The following MYBL2 variants were observed in gnomAD, a reference collection of about 807,000 sequenced individuals.
The protein encoded by MYBL2 is MYB proto-oncogene like 2, also known as myb-related protein B.
In MYBL2, 28 loss-of-function variants were observed where a neutral mutation model predicts 79.9. The observed-to-expected ratio is 0.35, with a 90% CI of 0.26 to 0.48. MYBL2 has a LOEUF of 0.48. MYBL2 is among the 20% of genes least tolerant of loss of function. The pLI is 0.99. For missense variants in MYBL2, 735 were observed against 893.9 expected (o/e 0.82, Z 2.27); for synonymous variants, 378 against 361.2 (o/e 1.05, Z -0.53).
intron 7 of MYBL2, among the ~76,000 whole-genome samples, chr20:43,700,458 GGT>G (rs1411411900): frequency 3.9e-5 from 6 of 152,278 alleles, no homozygotes; most frequent in Admixed American, 3.3e-4. Context: ...GTCTTGGAGT[GGT>G]GAGTGGGTTC....
rs138968603 is a variant in MYBL2, at chr20:43,699,784, G to T, written c.691G>T (p.Val231Phe). 1,222 of 1,614,048 alleles carry T rather than the reference G, an allele frequency of 7.6e-4. 10 individuals carry two copies. In the African/African-American group the frequency reaches 0.014, roughly 18 times the overall value. Residue 231 changes from valine (V) to phenylalanine (F), a missense_variant, in exon 7 of 14, where the codon GTC becomes TTC. By Grantham distance (50) the Val-to-Phe change is conservative. Around this residue, in one of 5 missense-constraint regions of MYBL2, gnomAD observed 144 missense variants for 131.9 expected, o/e 1.09. Transcript: ENST00000217026. ...AAGTCTTCTGACCAACTGGCCCTCC[G>T]TCCCTCCTACCATAAAGGAGGAGGA... ...QGSLLTNWPS[V>F]PPTIKEEENS...
At chr20:43,699,447 A>G (rs1363124871) in intron 6 of MYBL2, among the ~76,000 whole-genome samples, 2 of 152,216 alleles carry the variant, frequency 1.3e-5, no homozygotes, top group Non-Finnish European at 2.9e-5. Flanking sequence ...ATAAAGTTAT[A>G]TTCAATCCAG....
intron 2 of MYBL2, among the ~76,000 whole-genome samples, chr20:43,677,378 A>T (rs1449052347): frequency 6.6e-6 from 1 of 152,216 alleles, no homozygotes; most frequent in Admixed American, 6.5e-5. Flanking sequence ...AAGTACCTTT[A>T]GAAGGAGAGA....
chr20:43,676,916 T>C (rs1350958221), intron 2 of MYBL2, among the ~76,000 whole-genome samples: 1 of 152,078 alleles, frequency 6.6e-6, no homozygotes, highest in Non-Finnish European at 1.5e-5. Context: ...ATTGCTTTTG[T>C]TTTTTGTTTT....
intron 11 of MYBL2, 75 bp downstream of exon 11, chr20:43,711,676 G>C (rs1391250955): frequency 2.9e-6 from 4 of 1,380,790 alleles, no homozygotes; most frequent in Admixed American, 2.1e-5. Context: ...TCTGGGGACA[G>C]GTTGTAGAAA....
intron 7 of MYBL2, among the ~76,000 whole-genome samples, chr20:43,702,272 G>A (rs907739906): frequency 6.6e-5 from 10 of 152,168 alleles, no homozygotes; most frequent in Non-Finnish European, 1.2e-4. Flanking sequence ...GTACTCCAGC[G>A]TAGGCAACAG....
At chr20:43,670,249 C>T (rs1400034333) in intron 1 of MYBL2, among the ~76,000 whole-genome samples, 2 of 152,214 alleles carry the variant, frequency 1.3e-5, no homozygotes, top group Non-Finnish European at 2.9e-5. Flanking sequence ...AAGATGGTTT[C>T]TGTCACGAGC....
intron 7 of MYBL2, among the ~76,000 whole-genome samples, chr20:43,701,223 G>A (rs1987668498): frequency 6.6e-6 from 1 of 152,242 alleles, no homozygotes; most frequent in Admixed American, 6.5e-5. Flanking sequence ...TACTGCGTGT[G>A]TGGAAATCCC....
In MYBL2 at chr20:43,692,254, G is replaced by T; in HGVS notation, c.598G>T (p.Val200Leu). The T allele has an allele frequency of 6.2e-7, 1 of 1,614,230 alleles. No individual in the cohort carries two copies. The highest frequency in any genetic ancestry group is 8.5e-7 in the Non-Finnish European group (1 of 1,180,044). Residue 200 changes from valine (V) to leucine (L), a missense_variant, in exon 6 of 14, where the codon GTG becomes TTG. Coordinates refer to ENST00000217026, the MANE Select transcript of MYBL2 (RefSeq NM_002466.4). The stretch of plus-strand genomic sequence containing the variant: ...CGAGTCCAAAGACTGCAAGCCCCCA[G>T]TGTACTTGCTGCTGGAGCTCGAGGA... ...LSESKDCKPP[V>L]YLLLELEDKD...
chr20:43,697,304 A>C (rs990104933), intron 6 of MYBL2, among the ~76,000 whole-genome samples: 1 of 152,166 alleles, frequency 6.6e-6, no homozygotes, highest in Non-Finnish European at 1.5e-5. Context: ...TTAAAATATA[A>C]TTGACAAATA....
chr20:43,715,949 C>G lies in MYBL2; in HGVS notation c.1975-10C>G. 6.2e-7 allele frequency: 1 copy of G among 1,607,110 alleles called. No homozygotes were observed. Among genetic ancestry groups the G allele is most frequent in the Non-Finnish European group, 8.5e-7 (1 of 1,177,892 alleles). ...CCTGCCTGGATGGTAACCCTCTTGC[C>G]TCCTCCCAGATGTCCAGTGCCTGGA... On this transcript the variant is annotated splice_polypyrimidine_tract_variant and intron_variant, in intron 13 of 13. Transcript: ENST00000217026.
chr20:43,688,269 C>T (rs1314220826), intron 5 of MYBL2, among the ~76,000 whole-genome samples: 3 of 150,456 alleles, frequency 2.0e-5, no homozygotes, highest in Admixed American at 6.6e-5. Context: ...TGGCGTGATC[C>T]GGGCTCACTG....
At chr20:43,691,537 A>G (rs1318742184) in intron 5 of MYBL2, among the ~76,000 whole-genome samples, 1 of 99,550 alleles carries the variant, frequency 1.0e-5, no homozygotes, top group African/African-American at 3.5e-5. Context: ...CTGGTCTTAT[A>G]TATACATTTT....
chr20:43,710,068 T>A lies in MYBL2; in HGVS notation c.1605+6T>A, dbSNP rs773590970. The A allele has an allele frequency of 6.3e-7, 1 of 1,595,852 alleles. No individual in the cohort carries two copies. Reference sequence around the variant, plus strand: ...ACGGACCCCTGAAGCCCCTGGTACGTGGTGTGGTCGCTGCCGTGGATCTCT... The same window carrying A: ...ACGGACCCCTGAAGCCCCTGGTACGAGGTGTGGTCGCTGCCGTGGATCTCT... On this transcript the variant is annotated splice_donor_region_variant and intron_variant, in intron 10 of 13. Transcript: ENST00000217026.
intron 6 of MYBL2, among the ~76,000 whole-genome samples, chr20:43,696,576 G>A (rs1299315186): frequency 1.3e-5 from 2 of 152,292 alleles, no homozygotes; most frequent in African/African-American, 4.8e-5. Context: ...TTAACATATC[G>A]TTCCATGTTG....
chr20:43,713,403 T>TG (rs1309054657), intron 12 of MYBL2, among the ~76,000 whole-genome samples: 1 of 151,686 alleles, frequency 6.6e-6, no homozygotes, highest in African/African-American at 2.4e-5. Flanking sequence ...TTTTTTTTTT[T>TG]TGAATTGGAA....
At chr20:43,686,497 C>T (rs1280848534) in intron 4 of MYBL2, among the ~76,000 whole-genome samples, 1 of 152,188 alleles carries the variant, frequency 6.6e-6, no homozygotes, top group African/African-American at 2.4e-5. Flanking sequence ...TCCTCCTCAT[C>T]CCTCTGCTCT....
chr20:43,685,305 G>A (rs1030112080), intron 4 of MYBL2, among the ~76,000 whole-genome samples: 6 of 151,376 alleles, frequency 4.0e-5, no homozygotes, highest in South Asian at 2.1e-4. Flanking sequence ...CTCAGCCTCC[G>A]GAGCAGCTGA....
At chr20:43,708,946 TGGGGGATA>T (rs1987846442) in intron 9 of MYBL2, among the ~76,000 whole-genome samples, 1 of 152,336 alleles carries the variant, frequency 6.6e-6, no homozygotes, top group African/African-American at 2.4e-5. Flanking sequence ...GTGTCCCAGA[TGGGGGATA>T]ACAAGGGTTT....
Sources: allele counts gnomAD v4.1 joint callset (sites outside exome capture counted in the v4.1 genomes callset), GRCh38; gene constraint gnomAD v4.1.1; regional missense constraint gnomAD v4.1.1; transcripts MANE v1.5; gene names NCBI Gene and HGNC (gene_info 2026-07-23, HGNC 2026-07-21).